Variants in DKK2 observed in about 807,000 individuals in gnomAD.
DKK2 encodes the protein dickkopf Wnt signaling pathway inhibitor 2, also known as dickkopf-related protein 2.
In DKK2, 11 loss-of-function variants were observed where a neutral mutation model predicts 28.1. The observed-to-expected ratio is 0.39, with a 90% CI of 0.25 to 0.65. The LOEUF is 0.65. Among genes scored for constraint, DKK2 ranks in the 30% least tolerant of loss-of-function variants. The pLI is 0.47. For synonymous variants in DKK2, 135 were observed against 126.5 expected (o/e 1.07, Z -0.45); for missense variants, 326 against 335.5 (o/e 0.97, Z 0.22).
At chr4:106,994,844 G>A (rs1462637348) in intron 1 of DKK2, among the ~76,000 whole-genome samples, 1 of 152,214 alleles carries the variant, frequency 6.6e-6, no homozygotes, top group East Asian at 1.9e-4. Flanking sequence ...CCCTGCAAGG[G>A]CTCCTGTTTG....
chr4:107,003,673 G>T (rs1723395578), intron 1 of DKK2, among the ~76,000 whole-genome samples: 1 of 152,224 alleles, frequency 6.6e-6, no homozygotes, highest in South Asian at 2.1e-4. Flanking sequence ...GTCTGAACTT[G>T]CAGATTCTTT....
At chr4:107,000,865 C>T (rs1043137292) in intron 1 of DKK2, among the ~76,000 whole-genome samples, 2 of 151,956 alleles carry the variant, frequency 1.3e-5, no homozygotes, top group Non-Finnish European at 2.9e-5. Context: ...AGGTCCCTAC[C>T]CTCAGAACTC....
At chr4:106,965,138 T>G (rs1722753048) in intron 1 of DKK2, among the ~76,000 whole-genome samples, 1 of 152,206 alleles carries the variant, frequency 6.6e-6, no homozygotes, top group Admixed American at 6.5e-5. Context: ...ATACTTTTCT[T>G]GTACTCCTAC....
At position 106,958,215 on chromosome 4, in the gene DKK2, T is replaced by TA. The variant is rs543549109; in HGVS notation, c.223-32267dup. On this transcript the variant is annotated intron_variant, in intron 1 of 3. Transcript: ENST00000285311. ...TCTTTGTTGGGAGCATTATTAATAA[T>TA]AAAAAAAAGCTATCCCAAACTCAAG... Among the ~76,000 whole-genome samples, 392 of 151,032 alleles carry TA rather than the reference T, an allele frequency of 2.6e-3. 2 individuals carry two copies. Among genetic ancestry groups the TA allele is most frequent in the African/African-American group, 8.0e-3 (332 of 41,284 alleles).
intron 1 of DKK2, among the ~76,000 whole-genome samples, chr4:107,023,794 T>C (rs1405402551): frequency 6.6e-6 from 1 of 152,032 alleles, no homozygotes; most frequent in African/African-American, 2.4e-5. Context: ...CTAAAACTAC[T>C]CTCAAAAACC....
chr4:106,945,418 T>G (rs755996763), intron 1 of DKK2, among the ~76,000 whole-genome samples: 1 of 151,958 alleles, frequency 6.6e-6, no homozygotes, highest in Non-Finnish European at 1.5e-5. Flanking sequence ...GTTAGAGGAG[T>G]AATCAGCCAG....
chr4:106,961,974 C>T (rs890809219), intron 1 of DKK2, among the ~76,000 whole-genome samples: 1 of 152,086 alleles, frequency 6.6e-6, no homozygotes, highest in Admixed American at 6.6e-5. Flanking sequence ...AACATAAATC[C>T]ACCGATAATT....
chr4:106,967,132 CA>C (rs1199519307), intron 1 of DKK2, among the ~76,000 whole-genome samples: 1 of 152,098 alleles, frequency 6.6e-6, no homozygotes, highest in African/African-American at 2.4e-5. Flanking sequence ...GAGCACTTAT[CA>C]CAGGCCAGGC....
chr4:106,996,622 T>C (rs1723275514), intron 1 of DKK2, among the ~76,000 whole-genome samples: 2 of 152,152 alleles, frequency 1.3e-5, no homozygotes, highest in Non-Finnish European at 1.5e-5. Context: ...ATTTCCATAG[T>C]TCCCTCGGTG....
At chr4:106,936,666 G>A (rs143042740) in intron 1 of DKK2, among the ~76,000 whole-genome samples, 2,672 of 152,166 alleles carry the variant, frequency 0.018, 78 homozygotes, top group African/African-American at 0.061. Flanking sequence ...CATAATTGTC[G>A]GATTCACCAA....
intron 1 of DKK2, among the ~76,000 whole-genome samples, chr4:106,991,802 C>T (rs1018807496): frequency 6.6e-6 from 1 of 152,168 alleles, no homozygotes; most frequent in Non-Finnish European, 1.5e-5. Context: ...CCTCATCCAT[C>T]ATTGAGGTTC....
Position 106,943,435 on chromosome 4 carries a change from CAATT to C in DKK2, c.223-17490_223-17487del, listed in dbSNP as rs545327846. Among the ~76,000 whole-genome samples, 12 of 152,024 alleles carry C rather than the reference CAATT, an allele frequency of 7.9e-5. No homozygotes were observed. The South Asian group carries it at 2.1e-3, about 26-fold the overall frequency. On this transcript the variant is annotated intron_variant, in intron 1 of 3. Coordinates refer to ENST00000285311, the MANE Select transcript of DKK2 (RefSeq NM_014421.3). Reference sequence around the variant, plus strand: ...GTAGCATTAAATTGACAAAAATACTCAATTAAGAACCCATCAGGAAATGGTAAAA... The same window carrying C: ...GTAGCATTAAATTGACAAAAATACTCAAGAACCCATCAGGAAATGGTAAAA...
intron 1 of DKK2, among the ~76,000 whole-genome samples, chr4:106,993,470 C>T (rs914231235): frequency 6.6e-6 from 1 of 152,118 alleles, no homozygotes; most frequent in African/African-American, 2.4e-5. Flanking sequence ...AGACCAATTT[C>T]CATTACAACT....
chr4:107,014,682 G>A (rs1723566255), intron 1 of DKK2, among the ~76,000 whole-genome samples: 1 of 151,596 alleles, frequency 6.6e-6, no homozygotes, highest in African/African-American at 2.4e-5. Context: ...AAAGTTTGAG[G>A]TGATGGATAT....
chr4:106,964,915 G>GGAGA (rs142890361), intron 1 of DKK2, among the ~76,000 whole-genome samples: 2 of 150,038 alleles, frequency 1.3e-5, no homozygotes, highest in African/African-American at 4.9e-5. Flanking sequence ...ATGATAGATA[G>GGAGA]GAGAGAGAGA....
intron 1 of DKK2, 80 bp from the exon 2 acceptor site, chr4:106,926,029 A>T (rs776751850): frequency 5.0e-5 from 71 of 1,429,860 alleles, no homozygotes; most frequent in Non-Finnish European, 6.5e-5. Context: ...GCAAATCATG[A>T]TAGAAAATGA....
At chr4:106,959,435 A>G (rs952638200) in intron 1 of DKK2, among the ~76,000 whole-genome samples, 10 of 151,924 alleles carry the variant, frequency 6.6e-5, no homozygotes, top group Non-Finnish European at 1.5e-4. Context: ...TCATGTAAAT[A>G]TTTTCATTTA....
chr4:106,998,865 A>G (rs1482861429), intron 1 of DKK2, among the ~76,000 whole-genome samples: 1 of 152,236 alleles, frequency 6.6e-6, no homozygotes, highest in African/African-American at 2.4e-5. Flanking sequence ...CAAATTGATT[A>G]TGTTGTAAGT....
In DKK2 at chr4:107,019,111, A is replaced by T. The variant is rs1284630640; in HGVS notation, c.222+16259T>A. Among the ~76,000 whole-genome samples the T allele has an allele frequency of 5.9e-5, 9 of 152,140 alleles. 1 individual carries two copies. Among genetic ancestry groups the T allele is most frequent in the Admixed American group, 5.9e-4 (9 of 15,276 alleles). On this transcript the variant is annotated intron_variant, in intron 1 of 3. Coordinates refer to ENST00000285311, the MANE Select transcript of DKK2 (RefSeq NM_014421.3). ...AAACGAGAAGATAAGAACTTCAACA[A>T]CGTTTCCAGAGTTTACGGGCACGGC...
Sources: gnomAD v4.1 joint callset for allele counts (sites outside exome capture counted in the v4.1 genomes callset) on GRCh38, gnomAD v4.1.1 for gene constraint, MANE v1.5 for transcripts, NCBI Gene and HGNC (gene_info 2026-07-23, HGNC 2026-07-21) for gene names.